The following ZFAND3 variants were observed in gnomAD, a reference collection of about 807,000 sequenced individuals.
ZFAND3 encodes the protein zinc finger AN1-type containing 3.
In ZFAND3, 10 loss-of-function variants were observed where a neutral mutation model predicts 29.6. The observed-to-expected ratio is 0.34, with a 90% CI of 0.21 to 0.57. The LOEUF (loss-of-function observed/expected upper bound fraction) is 0.57, where lower values mean the gene tolerates loss of function less well. Ranked by LOEUF, ZFAND3 falls within the 20% of genes least tolerant of loss-of-function variation. The pLI is 0.86. For missense variants in ZFAND3, 230 were observed against 304.5 expected (o/e 0.76, Z 1.82); for synonymous variants, 128 against 112.6 (o/e 1.14, Z -0.87).
chr6:38,111,697 A>C (rs6917912), intron 4 of ZFAND3, among the ~76,000 whole-genome samples: 1 of 152,186 alleles, frequency 6.6e-6, no homozygotes, highest in Non-Finnish European at 1.5e-5. Context: ...TATGTAATAC[A>C]TAAAACATGC....
At chr6:38,152,205 C>T (rs377087135) in intron 5 of ZFAND3, 30 bp from the exon 6 acceptor site, 4 of 1,489,512 alleles carry the variant, frequency 2.7e-6, no homozygotes, top group Non-Finnish European at 3.6e-6. Context: ...CCCTAACACA[C>T]TCTTTCCTCT....
At chr6:37,931,576 CAAAA>C (rs549382637) in intron 2 of ZFAND3, among the ~76,000 whole-genome samples, 2,153 of 148,174 alleles carry the variant, frequency 0.015, 21 homozygotes, top group Non-Finnish European at 0.024. Context: ...ACCAACCAAA[CAAAA>C]AAAAGAAATG....
At chr6:38,103,528 T>C (rs1466940782) in intron 4 of ZFAND3, among the ~76,000 whole-genome samples, 1 of 148,626 alleles carries the variant, frequency 6.7e-6, no homozygotes, top group Non-Finnish European at 1.5e-5. Flanking sequence ...TATACACATA[T>C]ATATACACAC....
intron 1 of ZFAND3, among the ~76,000 whole-genome samples, chr6:37,829,817 G>C (rs1314180954): frequency 1.3e-5 from 2 of 152,248 alleles, no homozygotes; most frequent in Admixed American, 6.5e-5. Context: ...TATTGAGCAG[G>C]ATCTATTAAG....
chr6:37,882,470 G>A (rs1764914339), intron 1 of ZFAND3, among the ~76,000 whole-genome samples: 1 of 152,158 alleles, frequency 6.6e-6, no homozygotes, highest in Non-Finnish European at 1.5e-5. Flanking sequence ...TGCATGGCAA[G>A]CTATGTTTTT....
intron 4 of ZFAND3, among the ~76,000 whole-genome samples, chr6:38,113,954 C>T (rs1296193858): frequency 6.6e-6 from 1 of 152,174 alleles, no homozygotes; most frequent in Non-Finnish European, 1.5e-5. Context: ...CATTTTCAGA[C>T]ACAGAGGTGT....
At chr6:37,851,129 T>G (rs1432659267) in intron 1 of ZFAND3, among the ~76,000 whole-genome samples, 2 of 150,904 alleles carry the variant, frequency 1.3e-5, no homozygotes, top group African/African-American at 4.9e-5. Context: ...CATGCCACCA[T>G]GCCTGACTAA....
intron 2 of ZFAND3, among the ~76,000 whole-genome samples, chr6:38,012,524 G>A (rs1763175249): frequency 6.6e-6 from 1 of 151,898 alleles, no homozygotes; most frequent in South Asian, 2.1e-4. Flanking sequence ...GACTACAGGT[G>A]CGTGCCACCA....
At chr6:37,915,140 C>T (rs1581757695) in intron 1 of ZFAND3, among the ~76,000 whole-genome samples, 1 of 151,998 alleles carries the variant, frequency 6.6e-6, no homozygotes, top group Non-Finnish European at 1.5e-5. Flanking sequence ...TTTTTTAAAC[C>T]TCATGAACCA....
chr6:38,003,816 C>G, intron 2 of ZFAND3: 1 of 452,412 alleles, frequency 2.2e-6, no homozygotes, highest in Non-Finnish European at 4.4e-6. Flanking sequence ...AGTCCAGAAT[C>G]TTAACATTGC....
At chr6:37,944,243 CAAG>C (rs1187713771) in intron 2 of ZFAND3, among the ~76,000 whole-genome samples, 1 of 152,052 alleles carries the variant, frequency 6.6e-6, no homozygotes, top group Admixed American at 6.6e-5. Flanking sequence ...ATAGCAATTA[CAAG>C]AAGAACTAAA....
At chr6:38,131,916 C>G (rs747272541) in intron 5 of ZFAND3, among the ~76,000 whole-genome samples, 1 of 152,166 alleles carries the variant, frequency 6.6e-6, no homozygotes, top group Non-Finnish European at 1.5e-5. Context: ...TATTTCTGGG[C>G]CAGTAGCCAT....
At chr6:37,872,586 T>A (rs191123753) in intron 1 of ZFAND3, among the ~76,000 whole-genome samples, 7 of 152,340 alleles carry the variant, frequency 4.6e-5, no homozygotes, top group Admixed American at 4.6e-4. Context: ...TCTCCTACTC[T>A]GGCACCATAG....
At chr6:38,012,988 C>G (rs1246021982) in intron 2 of ZFAND3, among the ~76,000 whole-genome samples, 2 of 152,180 alleles carry the variant, frequency 1.3e-5, no homozygotes, top group African/African-American at 2.4e-5. Context: ...TATTTGGGTA[C>G]TAGGATTATG....
rs545337350 is a variant in ZFAND3 at position 37,993,387 on chromosome 6, C to T, written c.112+63388C>T. ...TGTCACCCAGGCTGGAGCGCAGTGGCGTGATCTCAGCTCACTGCAACCTCC... is the reference window on the plus strand; with the variant it reads ...TGTCACCCAGGCTGGAGCGCAGTGGTGTGATCTCAGCTCACTGCAACCTCC... On this transcript the variant is annotated intron_variant, in intron 2 of 5. Transcript: ENST00000287218. Among the ~76,000 whole-genome samples the T allele has an allele frequency of 3.1e-3, 474 of 151,938 alleles. 3 individuals carry two copies. The highest frequency in any genetic ancestry group is 0.011 in the African/African-American group (446 of 41,500).
intron 2 of ZFAND3, among the ~76,000 whole-genome samples, chr6:38,042,253 G>T (rs1763804541): frequency 6.6e-6 from 1 of 151,354 alleles, no homozygotes; most frequent in Non-Finnish European, 1.5e-5. Context: ...TCACACTTTT[G>T]GCCATTTTGA....
rs757727717 is a variant in ZFAND3, at chr6:38,152,300, C to T, written c.595C>T (p.Arg199Cys). Residue 199 changes from arginine (R) to cysteine (C), a missense_variant, in exon 6 of 6, where the codon CGT (arginine) becomes TGT (cysteine). Arg to Cys is a radical substitution (Grantham distance 180). This residue lies in a region of ZFAND3 where 50 missense variants were observed against 102.0 expected (regional missense o/e 0.49). Coordinates refer to ENST00000287218, the MANE Select transcript of ZFAND3 (RefSeq NM_021943.3). ...CGACTGCACATTCGACCACATGGGC[C>T]GTGGCCGGGAGGAAGCCATCATGAA... The part of the protein sequence containing the change: ...QHDCTFDHMG[R>C]GREEAIMKMV... The T allele has an allele frequency of 2.5e-6, 4 of 1,609,476 alleles. No homozygotes were observed. Among genetic ancestry groups the T allele is most frequent in the African/African-American group, 1.3e-5 (1 of 74,688 alleles).
At chr6:37,993,949 G>A (rs1309788461) in intron 2 of ZFAND3, among the ~76,000 whole-genome samples, 2 of 152,154 alleles carry the variant, frequency 1.3e-5, no homozygotes, top group African/African-American at 4.8e-5. Context: ...CCTTGAAAAA[G>A]TGAATGTTAC....
intron 2 of ZFAND3, among the ~76,000 whole-genome samples, chr6:38,019,648 G>T (rs376579323): frequency 6.6e-6 from 1 of 151,922 alleles, no homozygotes; most frequent in African/African-American, 2.4e-5. Flanking sequence ...ATGCTTCTTC[G>T]GTTTGCTTTT....
Sources: gnomAD v4.1 joint callset for allele counts (sites outside exome capture counted in the v4.1 genomes callset) on GRCh38, gnomAD v4.1.1 for gene constraint, gnomAD v4.1.1 regional missense constraint, MANE v1.5 for transcripts, NCBI Gene and HGNC (gene_info 2026-07-23, HGNC 2026-07-21) for gene names.